Variants in ATXN2 observed in about 807,000 individuals in gnomAD.
The protein encoded by ATXN2 is ataxin-2.
ATXN2 carries 37 observed loss-of-function variants against 138.6 expected under a neutral mutation model. That is an observed-to-expected ratio of 0.27 (90% CI 0.21 to 0.35). The LOEUF is 0.35. ATXN2 is among the 10% of genes least tolerant of loss of function. ATXN2 has a pLI of 1.00. For synonymous variants in ATXN2, 549 were observed against 543.7 expected (o/e 1.01, Z -0.13); for missense variants, 1,216 against 1,480.3 (o/e 0.82, Z 2.93).
Position 111,470,740 on chromosome 12 carries a change from G to A in ATXN2, c.2527C>T (p.Pro843Ser). The stretch of plus-strand genomic sequence containing the variant: ...TCTTGCCGCTGTTGGGGCATATTTG[G>A]TACTGCAGAAAAAAAAGCAGACTGC... ...QAKTYRAGKV[P>S]NMPQQRQDQH... is the part of the protein sequence containing the mutation. The change falls in exon 19 of 25, where the codon CCA (proline) becomes TCA (serine). Residue 843 changes from proline to serine, a missense_variant and splice_region_variant. This residue lies in a region of ATXN2 where 490 missense variants were observed against 653.5 expected (regional missense o/e 0.75). Transcript: ENST00000673436. 1 of 1,613,876 alleles carries A rather than the reference G, an allele frequency of 6.2e-7. No homozygotes were observed. The highest frequency in any genetic ancestry group is 8.5e-7 in the Non-Finnish European group (1 of 1,179,966).
rs116288676 is a variant in ATXN2 at position 111,536,593 on chromosome 12, G to A, written c.572-11277C>T. ...GCCCAGGAAATCAGCCTGTGCAACA[G>A]TGAGACCCCAACTCTATTTTCAAAA... is the stretch of plus-strand genomic sequence containing the variant. On this transcript the variant is annotated intron_variant, in intron 5 of 24. Transcript: ENST00000673436. Among the ~76,000 whole-genome samples, 258 of 152,158 alleles carry A rather than the reference G, an allele frequency of 1.7e-3. 2 individuals are homozygous for A. Among genetic ancestry groups the A allele is most frequent in the African/African-American group, 6.0e-3 (248 of 41,522 alleles).
chr12:111,544,087 A>G (rs1881680452), intron 5 of ATXN2, among the ~76,000 whole-genome samples: 2 of 152,144 alleles, frequency 1.3e-5, no homozygotes, highest in African/African-American at 2.4e-5. Flanking sequence ...TTTAAAAAAA[A>G]GAAAAAAAAT....
rs188881015 is a variant in ATXN2, at chr12:111,593,918, A to T, written c.251+4866T>A. The stretch of plus-strand genomic sequence containing the variant: ...AAATTACTAATGAAGCCACATGACT[A>T]ATTAACCTAGATAAAAAGCAAACGG... On this transcript the variant is annotated intron_variant, in intron 1 of 24. Transcript: ENST00000673436. 3.3e-3 allele frequency among the ~76,000 whole-genome samples: 495 copies of T among 152,276 alleles called. 1 individual carries two copies. Among genetic ancestry groups the T allele is most frequent in the Non-Finnish European group, 4.4e-3 (296 of 68,028 alleles).
chr12:111,537,188 T>C (rs1042396844), intron 5 of ATXN2, among the ~76,000 whole-genome samples: 2 of 152,084 alleles, frequency 1.3e-5, no homozygotes, highest in Non-Finnish European at 2.9e-5. Flanking sequence ...CAAAATGTAG[T>C]GTACCTGTGT....
chr12:111,538,551 C>T (rs1219711551), intron 5 of ATXN2, among the ~76,000 whole-genome samples: 1 of 150,504 alleles, frequency 6.6e-6, no homozygotes, highest in East Asian at 1.9e-4. Context: ...CGGGGTTCCA[C>T]CATATTGCCC....
In ATXN2 at chr12:111,453,034, C is replaced by G. The variant is rs745979771; in HGVS notation, c.3440-194G>C. ...GGTGGGTAGAAACAAACCAGTCAGA[C>G]GTAAAACCACTTCAGATAAAACTCC... On this transcript the variant is annotated intron_variant, in intron 24 of 24. Transcript: ENST00000673436. This position sits in a 1 kb window ranked among gnomAD's most constrained non-coding sequence, Gnocchi z 5.4. 1 of 1,300,808 alleles carries G rather than the reference C, an allele frequency of 7.7e-7. No individual in the cohort carries two copies. Among genetic ancestry groups the G allele is most frequent in the East Asian group, 3.0e-5 (1 of 33,574 alleles). The allele number at this position is 1,300,808 out of a possible 1,614,324, so 80.6% of individuals were successfully genotyped here. A position where few individuals can be genotyped will look rare whatever the true frequency, so the allele number is the denominator to read the frequency against.
chr12:111,594,089 T>G, intron 1 of ATXN2, among the ~76,000 whole-genome samples: 1 of 152,186 alleles, frequency 6.6e-6, no homozygotes, highest in Non-Finnish European at 1.5e-5. Flanking sequence ...TCTTATACAC[T>G]ATTATACATA....
At chr12:111,494,817 A>G (rs1363382213) in intron 14 of ATXN2, among the ~76,000 whole-genome samples, 1 of 152,164 alleles carries the variant, frequency 6.6e-6, no homozygotes, top group Admixed American at 6.6e-5. Flanking sequence ...AATCACTTTC[A>G]AAACAAGGAA....
intron 14 of ATXN2, among the ~76,000 whole-genome samples, chr12:111,497,359 T>G (rs1878486988): frequency 6.6e-6 from 1 of 152,180 alleles, no homozygotes; most frequent in African/African-American, 2.4e-5. Flanking sequence ...GAAGAGGGAA[T>G]ACTTCTAAAC....
chr12:111,494,477 G>A (rs893933949), intron 14 of ATXN2, among the ~76,000 whole-genome samples: 2 of 150,686 alleles, frequency 1.3e-5, no homozygotes, highest in African/African-American at 4.9e-5. Context: ...CCAGGCTGGG[G>A]TGCAGTGGCA....
intron 18 of ATXN2, among the ~76,000 whole-genome samples, chr12:111,483,238 CAAA>C (rs780429904): frequency 6.8e-6 from 1 of 146,676 alleles, no homozygotes; most frequent in African/African-American, 2.5e-5. Flanking sequence ...CACACACACA[CAAA>C]ACACCCAAAA....
chr12:111,497,019 A>G (rs751959872), intron 14 of ATXN2, among the ~76,000 whole-genome samples: 1 of 152,178 alleles, frequency 6.6e-6, no homozygotes, highest in Admixed American at 6.5e-5. Context: ...TGAGAGATGA[A>G]AAAGGAGACA....
chr12:111,558,871 T>C (rs1280460992), intron 1 of ATXN2, among the ~76,000 whole-genome samples: 2 of 151,658 alleles, frequency 1.3e-5, no homozygotes, highest in Non-Finnish European at 2.9e-5. Flanking sequence ...AAGAATGGTA[T>C]GAGCTGATAA....
rs141240685 is a variant in ATXN2, at chr12:111,543,593, C to G, written c.571+8687G>C. Among the ~76,000 whole-genome samples the G allele has an allele frequency of 1.9e-4, 29 of 152,264 alleles. 1 individual carries two copies. The East Asian group carries it at 5.4e-3, about 28-fold the overall frequency. On this transcript the variant is annotated intron_variant, in intron 5 of 24. Transcript: ENST00000673436. ...GGATTAGAGGCGCACACCAGCACAC[C>G]AGGCTAATTTTTTTTGTAAAATCTA...
intron 22 of ATXN2, among the ~76,000 whole-genome samples, chr12:111,456,558 C>T (rs1460148426): frequency 6.6e-6 from 1 of 152,132 alleles, no homozygotes; most frequent in Non-Finnish European, 1.5e-5. Flanking sequence ...TTAACTGCCT[C>T]CATTAGCAAA....
At chr12:111,532,582 C>G (rs913259727) in intron 5 of ATXN2, among the ~76,000 whole-genome samples, 3 of 152,126 alleles carry the variant, frequency 2.0e-5, no homozygotes, top group African/African-American at 7.2e-5. Flanking sequence ...ACTGCTAATA[C>G]TACTAGTTGT....
intron 21 of ATXN2, chr12:111,458,235 C>A (rs1875277511): frequency 6.6e-6 from 1 of 152,258 alleles, no homozygotes. Flanking sequence ...TCAAGCAATT[C>A]TCCTGCCTCA....
At chr12:111,513,257 T>C (rs1480429659) in intron 11 of ATXN2, 100 bp downstream of exon 11, 1 of 1,347,976 alleles carries the variant, frequency 7.4e-7, no homozygotes, top group Non-Finnish European at 1.0e-6. Context: ...TTTTAACATA[T>C]ACATACTTAC....
chr12:111,552,995 AT>A lies in ATXN2; in HGVS notation c.349-19del. 2 of 1,499,636 alleles carry A rather than the reference AT, an allele frequency of 1.3e-6. No individual in the cohort carries two copies. The highest frequency in any genetic ancestry group is 2.4e-5 in the East Asian group (1 of 41,374). 92.9% of individuals were successfully genotyped at this position (1,499,636 alleles called of 1,614,324 possible). On this transcript the variant is annotated intron_variant, in intron 3 of 24. Transcript: ENST00000673436. The surrounding 1 kb of genome is among the most constrained non-coding windows in gnomAD (Gnocchi z 4.1). Reference sequence around the variant, plus strand: ...TTGGAGCCCTAAAAACATATAATTTATTTATCAAAGAAACAGTATACTACCC... The same window carrying A: ...TTGGAGCCCTAAAAACATATAATTTATTATCAAAGAAACAGTATACTACCC...
Sources: gnomAD v4.1 joint callset for allele counts (sites outside exome capture counted in the v4.1 genomes callset) on GRCh38, gnomAD v4.1.1 for gene constraint, gnomAD v4.1.1 regional missense constraint, Gnocchi (gnomAD v3.1) non-coding constraint, MANE v1.5 for transcripts, NCBI Gene and HGNC (gene_info 2026-07-23, HGNC 2026-07-21) for gene names.